Variants in RAI2 observed in about 807,000 individuals in gnomAD.
RAI2 encodes the protein retinoic acid induced 2, also known as retinoic acid-induced protein 2.
RAI2 carries 5 observed loss-of-function variants against 15.3 expected under a neutral mutation model. The observed-to-expected ratio is 0.33, with a 90% confidence interval of 0.17 to 0.69. The LOEUF (loss-of-function observed/expected upper bound fraction) is 0.69, where lower values mean the gene tolerates loss of function less well. Among genes scored for constraint, RAI2 ranks in the 30% least tolerant of loss-of-function variants. The probability of loss-of-function intolerance (pLI) is 0.69; values close to 1 mark genes in which losing one functional copy is unlikely to be tolerated. For missense variants in RAI2, 424 were observed against 424.7 expected, an observed-to-expected ratio of 1.00 and a Z score of 0.01; for synonymous variants, 191 against 184.0, an observed-to-expected ratio of 1.04 and a Z score of -0.31.
chrX:17,821,387 G>A (rs1217179224), intron 1 of RAI2, among the ~76,000 whole-genome samples: 1 of 111,161 alleles, frequency 9.0e-6, no homozygotes, highest in Admixed American at 9.6e-5. Context: ...GTCAATCAGA[G>A]TAAGTGGACT....
intron 1 of RAI2, among the ~76,000 whole-genome samples, chrX:17,818,926 C>G (rs926999646): frequency 8.9e-6 from 1 of 112,994 alleles, no homozygotes; most frequent in African/African-American, 3.2e-5. Context: ...ACACGTTAGA[C>G]GATCAGTGTC....
At chrX:17,842,553 CAT>C (rs763815345) in intron 1 of RAI2, among the ~76,000 whole-genome samples, 1 of 104,734 alleles carries the variant, frequency 9.5e-6, no homozygotes, top group African/African-American at 3.5e-5. Flanking sequence ...ATTAGGGAAA[CAT>C]AAATGATCGG....
intron 1 of RAI2, among the ~76,000 whole-genome samples, chrX:17,819,089 G>A (rs953272588): frequency 4.5e-5 from 5 of 111,750 alleles, no homozygotes; most frequent in Non-Finnish European, 9.4e-5. Flanking sequence ...CTAGGGCTTC[G>A]GCCTTGAGCT....
At chrX:17,820,369 C>T (rs1487216757) in intron 1 of RAI2, among the ~76,000 whole-genome samples, 1 of 111,991 alleles carries the variant, frequency 8.9e-6, no homozygotes, top group Non-Finnish European at 1.9e-5. Context: ...AACAATTGTG[C>T]TCAACTGAGG....
intron 1 of RAI2, among the ~76,000 whole-genome samples, chrX:17,854,869 C>T (rs904477032): frequency 1.8e-5 from 2 of 112,026 alleles, no homozygotes; most frequent in African/African-American, 6.5e-5. Context: ...AGGGGGTCAG[C>T]CAAGGGTCCC....
chrX:17,814,949 A>G (rs1318820970), intron 1 of RAI2, among the ~76,000 whole-genome samples: 1 of 109,812 alleles, frequency 9.1e-6, no homozygotes, highest in African/African-American at 3.3e-5. Context: ...AATAATAATA[A>G]TAATAATAAT....
At chrX:17,839,366 T>C (rs2067372239) in intron 1 of RAI2, among the ~76,000 whole-genome samples, 1 of 112,335 alleles carries the variant, frequency 8.9e-6, no homozygotes, top group African/African-American at 3.2e-5. Context: ...AGATCAGCCC[T>C]GACCTTCCAG....
intron 1 of RAI2, among the ~76,000 whole-genome samples, chrX:17,837,907 C>G (rs903677867): frequency 8.0e-5 from 9 of 111,995 alleles, no homozygotes; most frequent in Non-Finnish European, 1.9e-5. Context: ...TGCAATAGCC[C>G]TGAACTGGAA....
chrX:17,830,989 T>A (rs181552952), intron 1 of RAI2, among the ~76,000 whole-genome samples: 1 of 112,329 alleles, frequency 8.9e-6, no homozygotes, highest in Non-Finnish European at 1.9e-5. Flanking sequence ...CAATGAGAAC[T>A]ATCCTCTAGA....
chrX:17,834,626 A>T (rs1443709116), intron 1 of RAI2, among the ~76,000 whole-genome samples: 1 of 110,986 alleles, frequency 9.0e-6, no homozygotes, highest in Non-Finnish European at 1.9e-5. Flanking sequence ...AGGATTTCGT[A>T]GTTGATTATA....
chrX:17,854,554 A>T (rs142719467), intron 1 of RAI2, among the ~76,000 whole-genome samples: 18 of 111,410 alleles, frequency 1.6e-4, no homozygotes, highest in African/African-American at 5.9e-4. Flanking sequence ...CACCATTTCA[A>T]CCCTTCCAGG....
At chrX:17,849,914 T>A (rs775857072) in intron 1 of RAI2, among the ~76,000 whole-genome samples, 5 of 112,341 alleles carry the variant, frequency 4.5e-5, no homozygotes, top group African/African-American at 1.6e-4. Flanking sequence ...TTCTCTCTCT[T>A]TCTCTCTCAC....
In RAI2 at chrX:17,800,960, G is replaced by A. The variant is rs770653514; in HGVS notation, c.1051C>T (p.Arg351Trp). 9 of 1,209,021 alleles carry A rather than the reference G, an allele frequency of 7.4e-6. No individual in the cohort carries two copies. In the East Asian group the frequency reaches 1.5e-4, roughly 20 times the overall value. Residue 351 changes from arginine to tryptophan, a missense_variant, in exon 2 of 2, where the codon CGG becomes TGG. By Grantham distance (101) the Arg-to-Trp change is moderately radical (BLOSUM62 -3). Coordinates refer to ENST00000451717, the MANE Select transcript of RAI2 (RefSeq NM_021785.6). ...GTCTCAGGGGGAGGCTCGGATTTCC[G>A]GTGGGCTGCCACTGACAGGTCTAGG... ...AALDLSVAAH[R>W]KSEPPPETLY...
At chrX:17,832,364 C>T (rs1014046350) in intron 1 of RAI2, among the ~76,000 whole-genome samples, 2 of 111,385 alleles carry the variant, frequency 1.8e-5, no homozygotes, top group Admixed American at 1.9e-4. Context: ...GACCCACCCT[C>T]GCCTCCCAGT....
intron 1 of RAI2, among the ~76,000 whole-genome samples, chrX:17,860,096 T>C: frequency 9.0e-6 from 1 of 111,499 alleles, no homozygotes; most frequent in Middle Eastern, 4.6e-3. Flanking sequence ...CAAAGCCACC[T>C]TCTTCTTCCG....
intron 1 of RAI2, among the ~76,000 whole-genome samples, chrX:17,808,439 G>A (rs1358274778): frequency 9.0e-6 from 1 of 110,975 alleles, no homozygotes; most frequent in Non-Finnish European, 1.9e-5. Context: ...CCATGCCTAG[G>A]TCCTACCCCT....
intron 1 of RAI2, among the ~76,000 whole-genome samples, chrX:17,824,138 T>C (rs777339783): frequency 1.4e-4 from 16 of 112,865 alleles, no homozygotes; most frequent in Non-Finnish European, 2.1e-4. Flanking sequence ...ATAGCAAATG[T>C]CTGCAAATAA....
chrX:17,810,878 G>C (rs2067041349), intron 1 of RAI2, among the ~76,000 whole-genome samples: 1 of 112,765 alleles, frequency 8.9e-6, no homozygotes. Context: ...CTGTGTGCCA[G>C]GCATGCATCT....
rs773148220 is a variant in RAI2, at chrX:17,845,428, C to A, written c.-25+15670G>T. Among the ~76,000 whole-genome samples the A allele has an allele frequency of 2.7e-5, 3 of 112,575 alleles. No homozygotes were observed. The South Asian group carries it at 1.1e-3, about 42-fold the overall frequency. On this transcript the variant is annotated intron_variant, in intron 1 of 1. Coordinates refer to ENST00000451717, the MANE Select transcript of RAI2 (RefSeq NM_021785.6). Reference sequence around the variant, plus strand: ...AAACTCTGAGTGCTTTTCCCTGTCACTGGTGTCCTAAGATGAGTGTGTCAC... The same window carrying A: ...AAACTCTGAGTGCTTTTCCCTGTCAATGGTGTCCTAAGATGAGTGTGTCAC...
Sources: allele counts gnomAD v4.1 joint callset (sites outside exome capture counted in the v4.1 genomes callset), GRCh38; gene constraint gnomAD v4.1.1; transcripts MANE v1.5; gene names NCBI Gene and HGNC (gene_info 2026-07-23, HGNC 2026-07-21).